RFC5: variants seen among roughly 807,000 people sequenced by gnomAD.
RFC5 encodes the protein replication factor C subunit 5.
In RFC5, 26 loss-of-function variants were observed where a neutral mutation model predicts 44.3. The observed-to-expected ratio is 0.59, with a 90% confidence interval of 0.43 to 0.81. RFC5 has a LOEUF of 0.81. RFC5 is among the 40% of genes least tolerant of loss of function. RFC5 has a pLI of 0.00. For synonymous variants in RFC5, 155 were observed against 155.2 expected (o/e 1.00, Z 0.01); for missense variants, 328 against 418.6 (o/e 0.78, Z 1.89).
chr12:118,039,319 G>C, the RFC5 span, among the ~76,000 whole-genome samples: 1 of 152,184 alleles, frequency 6.6e-6, no homozygotes, highest in African/African-American at 2.4e-5. Flanking sequence ...CGTCCATATA[G>C]AGGATGGGTG....
At chr12:118,040,216 AGGGTGC>A in the RFC5 span, among the ~76,000 whole-genome samples, 21 of 152,058 alleles carry the variant, frequency 1.4e-4, no homozygotes, top group African/African-American at 4.8e-4. Context: ...GTCAAATCTC[AGGGTGC>A]TGGGAGTACT....
intron 5 of RFC5, among the ~76,000 whole-genome samples, chr12:118,024,339 T>A (rs1217919751): frequency 7.2e-6 from 1 of 139,680 alleles, no homozygotes; most frequent in African/African-American, 2.6e-5. Context: ...AGACTCTGTT[T>A]CAAAAAAGAA....
rs1353463731 is a variant in RFC5 at position 118,019,346 on chromosome 12, A to G, written c.130+210A>G. Among the ~76,000 whole-genome samples the G allele has an allele frequency of 6.6e-6, 1 of 152,242 alleles. No homozygotes were observed. Among genetic ancestry groups the G allele is most frequent in the African/African-American group, 2.4e-5 (1 of 41,466 alleles). ...GCATAAAATTGCAACACAGTGGAGT[A>G]AAAATAGCATTACGGAGAATCATTT... On this transcript the variant is annotated intron_variant, in intron 2 of 10. Transcript: ENST00000454402. This position sits in a 1 kb window ranked among gnomAD's most constrained non-coding sequence, Gnocchi z 4.2.
At chr12:118,029,262 G>C (rs1251978421) in intron 9 of RFC5, among the ~76,000 whole-genome samples, 1 of 149,140 alleles carries the variant, frequency 6.7e-6, no homozygotes, top group East Asian at 2.0e-4. Context: ...TCTACAAAAA[G>C]TACAAAACAG....
At chr12:118,025,913 A>G in intron 7 of RFC5, 85 bp downstream of exon 7, 2 of 816,814 alleles carry the variant, frequency 2.4e-6, no homozygotes, top group Non-Finnish European at 4.1e-6. Context: ...CAGCAACACA[A>G]TCTCAGCTCA....
chr12:118,024,134 G>A (rs2030754852), intron 5 of RFC5, among the ~76,000 whole-genome samples: 1 of 152,060 alleles, frequency 6.6e-6, no homozygotes, highest in South Asian at 2.1e-4. Context: ...GAGGTCAGGA[G>A]ATCGAGACCA....
chr12:118,025,370 T>C (rs1470261566), intron 6 of RFC5: 1 of 319,902 alleles, frequency 3.1e-6, no homozygotes, highest in Non-Finnish European at 5.8e-6. Flanking sequence ...ACATTCTGTG[T>C]AGTCAGATGC....
At chr12:118,036,617 G>T, downstream of RFC5, 1 of 1,209,670 alleles carries the variant, frequency 8.3e-7, no homozygotes, top group Non-Finnish European at 1.2e-6. Flanking sequence ...TGCAGCCAGG[G>T]CTGATTCTCT....
In RFC5 at chr12:118,024,255, C is replaced by T. The variant is rs190517007; in HGVS notation, c.422-596C>T. On this transcript the variant is annotated intron_variant, in intron 5 of 10. Transcript: ENST00000454402. The stretch of plus-strand genomic sequence containing the variant: ...ACTCAGGAGGCTGAGGCAGGAGAAT[C>T]GCTTTAATCCGGGAGGCAGAGGTTG... 2.1e-4 allele frequency among the ~76,000 whole-genome samples: 32 copies of T among 151,184 alleles called. No homozygotes were observed. The East Asian group carries it at 2.6e-3, about 12-fold the overall frequency.
intron 5 of RFC5, among the ~76,000 whole-genome samples, chr12:118,022,646 G>A (rs1294874789): frequency 2.0e-5 from 3 of 151,912 alleles, no homozygotes; most frequent in Admixed American, 6.6e-5. Context: ...TATATTTTTA[G>A]TAGAGATGGG....
chr12:118,034,574 G>GCTCTCTCTCTCTCTCTCTCTCT (rs368693869), downstream of RFC5: 13,788 of 524,974 alleles, frequency 0.026, 188 homozygotes, highest in East Asian at 0.033. Context: ...ATACCAAAGC[G>GCTCTCTCTCTCTCTCTCTCTCT]CTCTCTCTGT....
At chr12:118,020,769 T>C (rs1030589434) in intron 3 of RFC5, 137 bp from the exon 4 acceptor site, 9 of 536,246 alleles carry the variant, frequency 1.7e-5, no homozygotes, top group Admixed American at 3.4e-5. Context: ...TTTTATTTTA[T>C]GATGATCTCT....
intron 9 of RFC5, among the ~76,000 whole-genome samples, chr12:118,029,301 C>CCA (rs2031163847): frequency 6.6e-6 from 1 of 152,102 alleles, no homozygotes; most frequent in Non-Finnish European, 1.5e-5. Flanking sequence ...ACCTGTAGCC[C>CCA]CAGTTACTCA....
chr12:118,036,065 G>A (rs1455430335), downstream of RFC5: 4 of 239,126 alleles, frequency 1.7e-5, no homozygotes, highest in Non-Finnish European at 3.3e-5. Context: ...AGCCAGGCCT[G>A]GTGGCGCACG....
At chr12:118,025,313 A>T in intron 6 of RFC5, 1 of 347,938 alleles carries the variant, frequency 2.9e-6, no homozygotes, top group African/African-American at 2.1e-5. Context: ...CCTTCTGCAA[A>T]GATGCTTCCA....
chr12:118,017,179 G>A (rs1261341689), intron 1 of RFC5, among the ~76,000 whole-genome samples: 2 of 152,190 alleles, frequency 1.3e-5, no homozygotes, highest in Non-Finnish European at 2.9e-5. Context: ...GTTCGATCCC[G>A]CGTCTCCTGA....
At chr12:118,017,646 A>T in intron 1 of RFC5, 2 of 1,012,394 alleles carry the variant, frequency 2.0e-6, no homozygotes, top group South Asian at 2.2e-5. Context: ...CAGAAGATTG[A>T]CAGTTGTAAC....
chr12:118,024,072 C>T (rs1183591128), intron 5 of RFC5, among the ~76,000 whole-genome samples: 1 of 151,996 alleles, frequency 6.6e-6, no homozygotes, highest in African/African-American at 2.4e-5. Context: ...AAAAATTGGC[C>T]TGGCACAGTG....
At chr12:118,030,420 T>G (rs1593454975) in intron 10 of RFC5, among the ~76,000 whole-genome samples, 1 of 152,132 alleles carries the variant, frequency 6.6e-6, no homozygotes. Context: ...ATTTAAAAGG[T>G]GGCGAGATGA....
Sources: gnomAD v4.1 joint callset for allele counts (sites outside exome capture counted in the v4.1 genomes callset) on GRCh38, gnomAD v4.1.1 for gene constraint, Gnocchi (gnomAD v3.1) non-coding constraint, MANE v1.5 for transcripts, NCBI Gene and HGNC (gene_info 2026-07-23, HGNC 2026-07-21) for gene names.